Variants in RABL3 observed in about 807,000 individuals in gnomAD.
RABL3 encodes rab-like protein 3.
A neutral mutation model predicts 31.8 loss-of-function variants in RABL3; 31 were observed. The observed-to-expected ratio is 0.97, with a 90% confidence interval of 0.73 to 1.31. The LOEUF (loss-of-function observed/expected upper bound fraction) is 1.31. Ranked by LOEUF, RABL3 falls within the 40% of genes most tolerant of loss-of-function variation. RABL3 has a pLI of 0.00. For synonymous variants in RABL3, 97 were observed against 99.9 expected (o/e 0.97, Z 0.18); for missense variants, 263 against 279.6 (o/e 0.94, Z 0.42).
chr3:120,727,977 T>C (rs1004685726), intron 2 of RABL3, among the ~76,000 whole-genome samples: 2 of 152,216 alleles, frequency 1.3e-5, no homozygotes, highest in Admixed American at 1.3e-4. Flanking sequence ...GCAAATACTT[T>C]ACTAAATAGT....
At chr3:120,735,572 C>T (rs1708950212) in intron 1 of RABL3, among the ~76,000 whole-genome samples, 1 of 151,896 alleles carries the variant, frequency 6.6e-6, no homozygotes, top group South Asian at 2.1e-4. Context: ...TTAGTTATTT[C>T]TTGCCTTCTG....
intron 2 of RABL3, among the ~76,000 whole-genome samples, chr3:120,715,510 T>C (rs563275218): frequency 6.6e-6 from 1 of 152,064 alleles, no homozygotes; most frequent in Non-Finnish European, 1.5e-5. Context: ...GCACTCCAGC[T>C]TGGGCAACAG....
rs548198982 is a variant in RABL3 at position 120,733,906 on chromosome 3, C to T, written c.47-3119G>A. 3.7e-4 allele frequency among the ~76,000 whole-genome samples: 57 copies of T among 152,020 alleles called. 2 individuals carry two copies. In the South Asian group the frequency reaches 0.011, roughly 28 times the overall value. On this transcript the variant is annotated intron_variant, in intron 1 of 7. Transcript: ENST00000273375. ...TAGGGCTCTGTTCTGTTCCATTGGT[C>T]TATATCTCTGTTTTGGTACCAGTAC...
intron 1 of RABL3, among the ~76,000 whole-genome samples, chr3:120,736,722 G>T (rs972912697): frequency 4.6e-5 from 7 of 152,162 alleles, no homozygotes; most frequent in Non-Finnish European, 7.3e-5. Flanking sequence ...TTTTAGGGCA[G>T]GCCTGGTGGT....
chr3:120,727,284 C>G (rs915020234), intron 2 of RABL3, among the ~76,000 whole-genome samples: 1 of 152,050 alleles, frequency 6.6e-6, no homozygotes, highest in Admixed American at 6.6e-5. Context: ...AGCCACAAAT[C>G]ATTCTACCAG....
intron 4 of RABL3, among the ~76,000 whole-genome samples, chr3:120,699,688 T>G (rs1188225404): frequency 1.3e-5 from 2 of 152,174 alleles, no homozygotes; most frequent in East Asian, 3.8e-4. Context: ...GCAAAGTTAC[T>G]AAGTATTTAT....
At chr3:120,700,116 T>C (rs2107578173) in intron 4 of RABL3, among the ~76,000 whole-genome samples, 1 of 152,294 alleles carries the variant, frequency 6.6e-6, no homozygotes, top group South Asian at 2.1e-4. Context: ...TTTAACTTTT[T>C]CATAAAATCT....
chr3:120,735,142 TG>T (rs1708940117), intron 1 of RABL3, among the ~76,000 whole-genome samples: 1 of 152,218 alleles, frequency 6.6e-6, no homozygotes, highest in South Asian at 2.1e-4. Flanking sequence ...CTTGTACCTC[TG>T]GTAGAATTCA....
intron 4 of RABL3, among the ~76,000 whole-genome samples, chr3:120,703,446 G>C (rs1708515611): frequency 3.3e-5 from 5 of 152,068 alleles, no homozygotes; most frequent in Admixed American, 3.3e-4. Flanking sequence ...GCAGTGTTTA[G>C]AGGGAAATTT....
intron 7 of RABL3, among the ~76,000 whole-genome samples, chr3:120,690,119 T>C (rs530279119): frequency 6.6e-5 from 10 of 152,318 alleles, no homozygotes; most frequent in African/African-American, 2.2e-4. Flanking sequence ...TCAGAAAGAA[T>C]GAAGGTAAAT....
chr3:120,742,390 A>C, intron 1 of RABL3, 72 bp downstream of exon 1: 1 of 1,420,224 alleles, frequency 7.0e-7, no homozygotes, highest in Admixed American at 1.7e-5. Context: ...AGTTGAGGGA[A>C]GGAAGCTAAG....
At chr3:120,731,433 A>G (rs1010411337) in intron 1 of RABL3, among the ~76,000 whole-genome samples, 8 of 152,024 alleles carry the variant, frequency 5.3e-5, no homozygotes, top group African/African-American at 1.9e-4. Flanking sequence ...AAGGTCTACT[A>G]CCTCTTCTAC....
chr3:120,735,484 T>A (rs895607999), intron 1 of RABL3, among the ~76,000 whole-genome samples: 2 of 152,168 alleles, frequency 1.3e-5, no homozygotes, highest in African/African-American at 4.8e-5. Context: ...GTTGATCTTT[T>A]CAAAAAACCA....
intron 1 of RABL3, among the ~76,000 whole-genome samples, chr3:120,737,609 G>T (rs1708986205): frequency 6.6e-6 from 1 of 152,180 alleles, no homozygotes; most frequent in Admixed American, 6.5e-5. Context: ...CTGATTTTTA[G>T]ACTTTTCAGC....
At chr3:120,740,075 G>C (rs1032524941) in intron 1 of RABL3, among the ~76,000 whole-genome samples, 6 of 152,018 alleles carry the variant, frequency 3.9e-5, no homozygotes, top group Non-Finnish European at 8.8e-5. Flanking sequence ...GATTTGCTTG[G>C]GGGTAAAAAA....
Position 120,685,184 on chromosome 3 carries a change from A to C in RABL3, c.*4639T>G, listed in dbSNP as rs530924751. Among the ~76,000 whole-genome samples, 2 of 152,354 alleles carry C rather than the reference A, an allele frequency of 1.3e-5. No homozygotes were observed. The highest frequency in any genetic ancestry group is 1.3e-4 in the Admixed American group (2 of 15,304). On this transcript the variant is annotated 3_prime_UTR_variant, in exon 8 of 8. Transcript: ENST00000273375. ...TTGGATAGAAAGTGGAAAACATTAC[A>C]TCCAGGAATTGCTACAAGGTAATGT...
chr3:120,698,331 A>G lies in RABL3; in HGVS notation c.534+92T>C, dbSNP rs1708459924. 6.5e-6 allele frequency: 8 copies of G among 1,225,926 alleles called. No homozygotes were observed. The Admixed American group carries it at 1.1e-4, about 17-fold the overall frequency. 75.9% of individuals were successfully genotyped at this position (1,225,926 alleles called of 1,614,324 possible). ...CCAAATAGCCTGATTTCAAGTATAA[A>G]GCTTCTTTCACTAGAATATATTATT... On this transcript the variant is annotated intron_variant, in intron 5 of 7. Coordinates refer to ENST00000273375, the MANE Select transcript of RABL3 (RefSeq NM_173825.5).
intron 2 of RABL3, among the ~76,000 whole-genome samples, chr3:120,727,724 A>T (rs1052350414): frequency 2.6e-5 from 4 of 152,220 alleles, no homozygotes; most frequent in African/African-American, 9.6e-5. Flanking sequence ...AAATCTAGTG[A>T]TATATGAAAA....
chr3:120,696,623 A>ATG (rs1324110607), intron 5 of RABL3, among the ~76,000 whole-genome samples: 73 of 150,052 alleles, frequency 4.9e-4, no homozygotes, highest in Non-Finnish European at 7.1e-4. Flanking sequence ...ACACACACAC[A>ATG]CACACATGCA....
Sources: allele counts gnomAD v4.1 joint callset (sites outside exome capture counted in the v4.1 genomes callset), GRCh38; gene constraint gnomAD v4.1.1; transcripts MANE v1.5; gene names NCBI Gene and HGNC (gene_info 2026-07-23, HGNC 2026-07-21).